Variants in RB1CC1 observed in about 807,000 individuals in gnomAD.
RB1CC1 encodes RB1 inducible coiled-coil 1.
In RB1CC1, 46 loss-of-function variants were observed where a neutral mutation model predicts 177.5. That is an observed-to-expected ratio of 0.26 (90% CI 0.20 to 0.33). The LOEUF is 0.33. Ranked by LOEUF, RB1CC1 falls within the 10% of genes least tolerant of loss-of-function variation. The pLI, the probability that RB1CC1 is intolerant of heterozygous loss-of-function variation, is 1.00. For missense variants in RB1CC1, 1,703 were observed against 1,816.3 expected (o/e 0.94, Z 1.13); for synonymous variants, 666 against 613.6 (o/e 1.09, Z -1.26).
intron 15 of RB1CC1, among the ~76,000 whole-genome samples, chr8:52,649,657 T>C (rs948370358): frequency 6.6e-6 from 1 of 152,112 alleles, no homozygotes; most frequent in Non-Finnish European, 1.5e-5. Context: ...AAAATAAAAA[T>C]CTCTTTTGAA....
In RB1CC1 at chr8:52,657,404, G is replaced by T; in HGVS notation, c.2425C>A (p.His809Asn). The change falls in exon 15 of 24, where the codon CAC becomes AAC. Residue 809 changes from histidine to asparagine, a missense_variant. Transcript: ENST00000025008. ...TCCTTAATGGTTTGTATACTGAAGTGAGAGTCTTGGGCAACAACTCTACAT... is the reference window on the plus strand; with the variant it reads ...TCCTTAATGGTTTGTATACTGAAGTTAGAGTCTTGGGCAACAACTCTACAT... Reference protein sequence around the residue: ...ERCRVVAQDSHFSIQTIKEDL... With the variant: ...ERCRVVAQDSNFSIQTIKEDL... The T allele has an allele frequency of 6.2e-7, 1 of 1,613,962 alleles. No individual in the cohort carries two copies. Among genetic ancestry groups the T allele is most frequent in the Non-Finnish European group, 8.5e-7 (1 of 1,179,990 alleles).
chr8:52,668,605 A>G (rs939851406), intron 7 of RB1CC1, among the ~76,000 whole-genome samples: 3 of 152,026 alleles, frequency 2.0e-5, no homozygotes. Context: ...CTTATTCTCT[A>G]TTTCTATCTC....
chr8:52,682,485 A>G (rs990124998), intron 5 of RB1CC1, among the ~76,000 whole-genome samples: 1 of 152,106 alleles, frequency 6.6e-6, no homozygotes, highest in East Asian at 1.9e-4. Context: ...TGATGCATTA[A>G]AAGAGAAATA....
At chr8:52,688,022 T>C (rs1164931358) in intron 1 of RB1CC1, among the ~76,000 whole-genome samples, 1 of 152,226 alleles carries the variant, frequency 6.6e-6, no homozygotes, top group Non-Finnish European at 1.5e-5. Flanking sequence ...ATAATACTTT[T>C]ATAATTTCTT....
At chr8:52,713,935 C>T (rs903849307) in intron 1 of RB1CC1, 140 bp downstream of exon 1, 7 of 194,596 alleles carry the variant, frequency 3.6e-5, no homozygotes, top group Non-Finnish European at 6.6e-5. Flanking sequence ...CGGGGCCCTC[C>T]CGTGCACACA....
chr8:52,661,478 A>G, intron 9 of RB1CC1, 57 bp downstream of exon 9: 1 of 1,500,944 alleles, frequency 6.7e-7, no homozygotes, highest in Non-Finnish European at 8.9e-7. Flanking sequence ...ATTTGGGAGA[A>G]ATAAATATAA....
Position 52,656,134 on chromosome 8 carries a change from T to C in RB1CC1, c.3695A>G (p.Gln1232Arg), listed in dbSNP as rs753876874. The C allele has an allele frequency of 6.2e-6, 10 of 1,613,738 alleles. No homozygotes were observed. Among genetic ancestry groups the C allele is most frequent in the African/African-American group, 1.3e-5 (1 of 74,926 alleles). ...SQEQDREQLI[Q>R]KLNCEKDEAI... ...TTCATCTTTTTCACAATTAAGCTTC[T>C]GAATTAACTGTTCTCTGTCTTGCTC... The change falls in exon 15 of 24, where the codon CAG (glutamine) becomes CGG (arginine). Residue 1232 changes from glutamine (Q) to arginine (R), a missense_variant. Physicochemically the swap from Gln to Arg is conservative, Grantham distance 43. Around this residue, in one of 6 missense-constraint regions of RB1CC1, gnomAD observed 1,169 missense variants for 1,184.7 expected, o/e 0.99. Transcript: ENST00000025008.
chr8:52,712,222 G>A (rs1162407748), intron 1 of RB1CC1, among the ~76,000 whole-genome samples: 2 of 152,080 alleles, frequency 1.3e-5, no homozygotes, highest in Non-Finnish European at 2.9e-5. Flanking sequence ...ATCATTACCT[G>A]AATGAGAAAA....
At chr8:52,683,438 A>C (rs1853951564) in intron 5 of RB1CC1, 111 bp downstream of exon 5, 2 of 981,456 alleles carry the variant, frequency 2.0e-6, no homozygotes, top group Non-Finnish European at 2.7e-6. Context: ...AATATTTTTA[A>C]AGTTTATTTG....
At chr8:52,712,967 G>A (rs754123947) in intron 1 of RB1CC1, among the ~76,000 whole-genome samples, 2 of 152,196 alleles carry the variant, frequency 1.3e-5, no homozygotes, top group Non-Finnish European at 2.9e-5. Context: ...AGAAGTGGAA[G>A]GACCCTCTTT....
At position 52,675,407 on chromosome 8, in the gene RB1CC1, G is replaced by C. The variant is rs537737769; in HGVS notation, c.572+962C>G. The stretch of plus-strand genomic sequence containing the variant: ...TCTACAGATCCAAAACAAAAAACCT[G>C]AACACAAAATGCTAAAAGCATATGC... On this transcript the variant is annotated intron_variant, in intron 6 of 23. Coordinates refer to ENST00000025008, the MANE Select transcript of RB1CC1 (RefSeq NM_014781.5). 2.0e-5 allele frequency among the ~76,000 whole-genome samples: 3 copies of C among 152,066 alleles called. No homozygotes were observed. In the South Asian group the frequency reaches 6.2e-4, roughly 32 times the overall value.
chr8:52,671,964 A>C (rs933341830), intron 7 of RB1CC1, among the ~76,000 whole-genome samples: 2 of 152,328 alleles, frequency 1.3e-5, no homozygotes, highest in East Asian at 3.9e-4. Flanking sequence ...ACAATAACCA[A>C]ATACAAGTTT....
At chr8:52,696,838 A>G (rs1190079192) in intron 1 of RB1CC1, among the ~76,000 whole-genome samples, 1 of 152,064 alleles carries the variant, frequency 6.6e-6, no homozygotes, top group East Asian at 1.9e-4. Flanking sequence ...CCCTGTCTCT[A>G]CAAAATATAC....
At chr8:52,641,236 T>C (rs1445623596) in intron 18 of RB1CC1, among the ~76,000 whole-genome samples, 2 of 151,584 alleles carry the variant, frequency 1.3e-5, no homozygotes, top group Admixed American at 6.6e-5. Flanking sequence ...ATACAAAAAT[T>C]AGCCAGGCGT....
intron 15 of RB1CC1, among the ~76,000 whole-genome samples, chr8:52,653,199 G>A (rs1850771093): frequency 6.6e-6 from 1 of 152,188 alleles, no homozygotes; most frequent in South Asian, 2.1e-4. Context: ...TCTTTACCAA[G>A]GCTTTGCAAA....
chr8:52,697,308 AAAAAAG>A (rs1384408758), intron 1 of RB1CC1, among the ~76,000 whole-genome samples: 1 of 151,990 alleles, frequency 6.6e-6, no homozygotes, highest in African/African-American at 2.4e-5. Flanking sequence ...AAAAAAAAAA[AAAAAAG>A]AAGACTTTTT....
In RB1CC1 at chr8:52,657,277, A is replaced by C. The variant is rs751360441; in HGVS notation, c.2552T>G (p.Val851Gly). The C allele has an allele frequency of 1.9e-5, 31 of 1,603,090 alleles. No homozygotes were observed. The highest frequency in any genetic ancestry group is 2.7e-5 in the African/African-American group (2 of 74,628). ...AVEIRNIIEK[V>G]KCSLEITLKE... ...TAGTGTTATTTCCAGAGAACATTTT[A>C]CTTTTTCAATAATGTTTCTTATTTC... The change falls in exon 15 of 24, where the codon GTA becomes GGA. Residue 851 changes from valine (V) to glycine (G), a missense_variant. This residue lies in a region of RB1CC1 where 1,169 missense variants were observed against 1,184.7 expected (regional missense o/e 0.99). Coordinates refer to ENST00000025008, the MANE Select transcript of RB1CC1 (RefSeq NM_014781.5).
chr8:52,658,579 GAAAA>G (rs67680393), intron 13 of RB1CC1, among the ~76,000 whole-genome samples: 46 of 98,800 alleles, frequency 4.7e-4, no homozygotes, highest in Non-Finnish European at 7.5e-4. Flanking sequence ...TCCGTCTCAA[GAAAA>G]AAAAAAAAAA....
rs529814569 is a variant in RB1CC1, at chr8:52,663,529, T to G, written c.1174-1810A>C. On this transcript the variant is annotated intron_variant, in intron 8 of 23. Coordinates refer to ENST00000025008, the MANE Select transcript of RB1CC1 (RefSeq NM_014781.5). ...TCTTTTCCCTTTTAATTGGGAGTGG[T>G]TTTAAGTTTTAATTGCTATGTAGCT... 2.6e-5 allele frequency among the ~76,000 whole-genome samples: 4 copies of G among 152,234 alleles called. No homozygotes were observed. In the East Asian group the frequency reaches 7.7e-4, roughly 29 times the overall value.
Sources: gnomAD v4.1 joint callset for allele counts (sites outside exome capture counted in the v4.1 genomes callset) on GRCh38, gnomAD v4.1.1 for gene constraint, gnomAD v4.1.1 regional missense constraint, MANE v1.5 for transcripts, NCBI Gene and HGNC (gene_info 2026-07-23, HGNC 2026-07-21) for gene names.